DIAPH2: variants seen among roughly 807,000 people sequenced by gnomAD.
DIAPH2 encodes protein diaphanous homolog 2.
A neutral mutation model predicts 92.7 loss-of-function variants in DIAPH2; 35 were observed. The observed-to-expected ratio is 0.38, with a 90% CI of 0.29 to 0.50. The LOEUF (loss-of-function observed/expected upper bound fraction) is 0.50, where lower values mean the gene tolerates loss of function less well. Ranked by LOEUF, DIAPH2 falls within the 20% of genes least tolerant of loss-of-function variation. DIAPH2 has a pLI of 0.94. For missense variants in DIAPH2, 701 were observed against 819.5 expected (o/e 0.86, Z 1.77); for synonymous variants, 301 against 280.4 (o/e 1.07, Z -0.73).
intron 22 of DIAPH2, among the ~76,000 whole-genome samples, chrX:97,222,761 G>C (rs2067936011): frequency 8.9e-6 from 1 of 111,741 alleles, no homozygotes; most frequent in African/African-American, 3.3e-5. Context: ...CTAGTATAAT[G>C]TGACCCTTTA....
intron 22 of DIAPH2, among the ~76,000 whole-genome samples, chrX:97,151,359 TCTTG>T (rs762657325): frequency 1.5e-4 from 17 of 112,073 alleles, no homozygotes; most frequent in African/African-American, 5.5e-4. Context: ...CAGAAGGTCC[TCTTG>T]CTTTTACCCA....
intron 1 of DIAPH2, among the ~76,000 whole-genome samples, chrX:96,699,690 A>G (rs759538537): frequency 9.0e-6 from 1 of 111,330 alleles, no homozygotes; most frequent in African/African-American, 3.3e-5. Context: ...TTTACTTTCC[A>G]TTCTCTCCTT....
chrX:97,189,721 GA>G (rs2067637407), intron 22 of DIAPH2, among the ~76,000 whole-genome samples: 1 of 111,900 alleles, frequency 8.9e-6, no homozygotes, highest in South Asian at 3.7e-4. Flanking sequence ...AAAAGAAAAA[GA>G]AAACAAAAAG....
chrX:96,876,173 T>C (rs1475803481), intron 4 of DIAPH2, among the ~76,000 whole-genome samples: 1 of 111,889 alleles, frequency 8.9e-6, no homozygotes, highest in East Asian at 2.8e-4. Context: ...TCACCATCAC[T>C]GGCCATCAGA....
intron 26 of DIAPH2, chrX:97,469,593 G>T: frequency 1.4e-6 from 1 of 718,505 alleles, no homozygotes; most frequent in Non-Finnish European, 2.0e-6. Context: ...TATTATAAAT[G>T]AGCTGTTTAT....
intron 4 of DIAPH2, among the ~76,000 whole-genome samples, chrX:96,856,759 G>GGGC (rs745919233): frequency 1.7e-4 from 19 of 110,567 alleles, no homozygotes; most frequent in African/African-American, 5.6e-4. Context: ...GGTCTTGGCC[G>GGGC]GGCGCAATGG....
chrX:96,916,380 A>T (rs886186314), intron 7 of DIAPH2, 58 bp from the exon 8 acceptor site: 32 of 1,039,928 alleles, frequency 3.1e-5, no homozygotes, highest in East Asian at 1.0e-4. Flanking sequence ...TTGCTTTTTT[A>T]AATTAAAGAT....
chrX:96,759,602 A>C (rs2147600239), intron 4 of DIAPH2, among the ~76,000 whole-genome samples: 1 of 111,792 alleles, frequency 8.9e-6, no homozygotes, highest in East Asian at 2.8e-4. Flanking sequence ...ATTCAATGTT[A>C]TTTTTCAAAG....
chrX:97,052,029 G>A (rs777286482), intron 17 of DIAPH2, among the ~76,000 whole-genome samples: 1 of 111,535 alleles, frequency 9.0e-6, no homozygotes, highest in African/African-American at 3.2e-5. Context: ...GTATTTTTGA[G>A]GACTATAGAT....
chrX:96,738,512 A>G (rs1290347196), intron 2 of DIAPH2, 74 bp from the exon 3 acceptor site: 3 of 873,779 alleles, frequency 3.4e-6, no homozygotes, highest in African/African-American at 4.1e-5. Flanking sequence ...TGCCGTTTTG[A>G]TGTTTCAATT....
chrX:97,022,430 A>G (rs2066304458), intron 17 of DIAPH2, among the ~76,000 whole-genome samples: 1 of 111,853 alleles, frequency 8.9e-6, no homozygotes, highest in South Asian at 3.8e-4. Flanking sequence ...ATTTTTGGGG[A>G]AGAAGACCTG....
At chrX:97,065,467 A>G (rs955145991) in intron 17 of DIAPH2, among the ~76,000 whole-genome samples, 2 of 111,656 alleles carry the variant, frequency 1.8e-5, no homozygotes, top group East Asian at 2.8e-4. Context: ...GCCTAGTGAC[A>G]TGTAGCCATT....
intron 1 of DIAPH2, among the ~76,000 whole-genome samples, chrX:96,707,455 G>A (rs1283423290): frequency 9.1e-6 from 1 of 109,784 alleles, no homozygotes; most frequent in African/African-American, 3.3e-5. Context: ...ATAGGTGTGA[G>A]CCACCATGCC....
chrX:97,572,207 G>C (rs2071374766), intron 26 of DIAPH2, among the ~76,000 whole-genome samples: 1 of 110,659 alleles, frequency 9.0e-6, no homozygotes, highest in South Asian at 3.9e-4. Context: ...CAAGGGGCAA[G>C]GGGGACCATT....
intron 26 of DIAPH2, among the ~76,000 whole-genome samples, chrX:97,546,114 T>A (rs2071179428): frequency 9.0e-6 from 1 of 110,659 alleles, no homozygotes; most frequent in South Asian, 3.9e-4. Flanking sequence ...AAAAATTGAT[T>A]TGCATGAGGT....
At chrX:97,105,925 G>T (rs916283844) in intron 20 of DIAPH2, among the ~76,000 whole-genome samples, 7 of 111,607 alleles carry the variant, frequency 6.3e-5, no homozygotes, top group Admixed American at 1.9e-4. Context: ...AATATATGAA[G>T]TTGGGAGGAG....
At chrX:96,747,491 T>C (rs2064158070) in intron 3 of DIAPH2, among the ~76,000 whole-genome samples, 1 of 112,442 alleles carries the variant, frequency 8.9e-6, no homozygotes, top group Non-Finnish European at 1.9e-5. Flanking sequence ...ATTCAGCAAT[T>C]TATATTAATA....
chrX:97,295,198 C>A (rs981004955), intron 23 of DIAPH2, among the ~76,000 whole-genome samples: 4 of 111,918 alleles, frequency 3.6e-5, no homozygotes, highest in Non-Finnish European at 7.5e-5. Flanking sequence ...ATACCACTCT[C>A]TCTTGCCTCC....
At chrX:97,423,153 A>C (rs893743948) in intron 25 of DIAPH2, among the ~76,000 whole-genome samples, 1 of 111,101 alleles carries the variant, frequency 9.0e-6, no homozygotes, top group Non-Finnish European at 1.9e-5. Context: ...AATGGACTGA[A>C]CACAAACCTG....
Sources: gnomAD v4.1 joint callset for allele counts (sites outside exome capture counted in the v4.1 genomes callset) on GRCh38, gnomAD v4.1.1 for gene constraint, MANE v1.5 for transcripts, NCBI Gene and HGNC (gene_info 2026-07-23, HGNC 2026-07-21) for gene names.